Variants in RBBP8 observed in about 807,000 individuals in gnomAD.
RBBP8 encodes the protein DNA endonuclease RBBP8.
Under a neutral mutation model 108.3 loss-of-function variants are expected in RBBP8, and 88 were observed. That is an observed-to-expected ratio of 0.81 (90% CI 0.68 to 0.97). RBBP8 has a LOEUF of 0.97. Among genes scored for constraint, RBBP8 ranks in the 50% least tolerant of loss-of-function variants. RBBP8 has a pLI of 0.00. For missense variants in RBBP8, 1,023 were observed against 1,049.0 expected (o/e 0.98, Z 0.34); for synonymous variants, 332 against 348.2 (o/e 0.95, Z 0.52).
At chr18:22,984,653 C>T (rs1032966541) in intron 7 of RBBP8, among the ~76,000 whole-genome samples, 3 of 152,212 alleles carry the variant, frequency 2.0e-5, no homozygotes, top group African/African-American at 7.2e-5. Context: ...AAGAAGCTGT[C>T]TGTTCTAGTC....
intron 2 of RBBP8, among the ~76,000 whole-genome samples, chr18:22,937,979 C>T (rs934480219): frequency 6.6e-6 from 1 of 151,644 alleles, no homozygotes; most frequent in African/African-American, 2.4e-5. Context: ...GTGTGCACCA[C>T]CACGCCCAGC....
intron 3 of RBBP8, among the ~76,000 whole-genome samples, chr18:22,918,277 T>C (rs1909445232): frequency 6.6e-6 from 1 of 152,196 alleles, no homozygotes; most frequent in Non-Finnish European, 1.5e-5. Context: ...TTCTGAGAAA[T>C]GAGAAATTAG....
chr18:23,011,115 GACTTAT>G (rs758235211), intron 16 of RBBP8, among the ~76,000 whole-genome samples: 20 of 152,150 alleles, frequency 1.3e-4, no homozygotes, highest in African/African-American at 3.9e-4. Flanking sequence ...AACAAAAAAG[GACTTAT>G]ACTTAGAGTG....
At position 22,935,406 on chromosome 18, in the gene RBBP8, C is replaced by T. The variant is rs937419828; in HGVS notation, c.-98-1348C>T. ...TTTCTAAAAAAAAAACAAACAAAACCGCATCATTATCATACCCAAGAAAAT... is the reference window on the plus strand; with the variant it reads ...TTTCTAAAAAAAAAACAAACAAAACTGCATCATTATCATACCCAAGAAAAT... On this transcript the variant is annotated intron_variant, in intron 1 of 18. Transcript: ENST00000327155. Among the ~76,000 whole-genome samples the T allele has an allele frequency of 4.7e-5, 7 of 150,376 alleles. No homozygotes were observed. The East Asian group carries it at 5.8e-4, about 13-fold the overall frequency.
At chr18:23,008,053 C>T (rs2046089057) in intron 16 of RBBP8, among the ~76,000 whole-genome samples, 1 of 148,916 alleles carries the variant, frequency 6.7e-6, no homozygotes, top group African/African-American at 2.6e-5. Context: ...ACCTCGTGAT[C>T]CACCCGCCTC....
intron 1 of RBBP8, 188 bp downstream of exon 1, chr18:22,933,752 C>T (rs1448885140): frequency 6.6e-6 from 1 of 152,266 alleles, no homozygotes; most frequent in East Asian, 1.9e-4. Context: ...AGGACGAGCG[C>T]TACCTCAGTA....
chr18:22,935,401 A>G (rs551225506), intron 1 of RBBP8, among the ~76,000 whole-genome samples: 1 of 151,668 alleles, frequency 6.6e-6, no homozygotes, highest in Non-Finnish European at 1.5e-5. Flanking sequence ...AAAAACAAAC[A>G]AAACCGCATC....
chr18:22,968,959 G>A (rs1292884744), intron 5 of RBBP8, 41 bp downstream of exon 5: 6 of 1,456,472 alleles, frequency 4.1e-6, no homozygotes, highest in Admixed American at 1.7e-5. Flanking sequence ...AGTATGTAAT[G>A]TATTATTTTT....
intron 13 of RBBP8, 32 bp downstream of exon 13, chr18:22,996,494 G>T (rs774722904): frequency 1.9e-6 from 3 of 1,608,754 alleles, no homozygotes; most frequent in South Asian, 2.2e-5. Flanking sequence ...AAACTCATTT[G>T]ACTTTTATTC....
At chr18:22,960,605 GT>G (rs1291826335) in intron 4 of RBBP8, among the ~76,000 whole-genome samples, 1 of 152,024 alleles carries the variant, frequency 6.6e-6, no homozygotes, top group African/African-American at 2.4e-5. Context: ...TAAAAAAAAA[GT>G]TTTTTTCTTC....
intron 2 of RBBP8, among the ~76,000 whole-genome samples, chr18:22,940,520 C>T (rs1402931056): frequency 2.0e-5 from 3 of 151,942 alleles, no homozygotes; most frequent in African/African-American, 7.3e-5. Context: ...CGGGGTTTCA[C>T]TGTGTTAGCC....
intron 9 of RBBP8, 140 bp downstream of exon 9, chr18:22,989,458 G>A: frequency 1.6e-6 from 1 of 619,910 alleles, no homozygotes; most frequent in East Asian, 3.4e-5. Context: ...TTGTTAGAAA[G>A]TCCTATTTCT....
chr18:22,959,024 C>T (rs1436718552), intron 4 of RBBP8, among the ~76,000 whole-genome samples: 1 of 152,280 alleles, frequency 6.6e-6, no homozygotes, highest in Non-Finnish European at 1.5e-5. Context: ...AATGAACCAC[C>T]TGTTTTGTTC....
intron 6 of RBBP8, among the ~76,000 whole-genome samples, chr18:22,975,446 T>C (rs1037420670): frequency 6.6e-6 from 1 of 152,110 alleles, no homozygotes. Context: ...ATTTTAATTT[T>C]TATAATGATT....
At chr18:22,944,325 A>G (rs1421112878) in intron 2 of RBBP8, among the ~76,000 whole-genome samples, 1 of 152,152 alleles carries the variant, frequency 6.6e-6, no homozygotes, top group African/African-American at 2.4e-5. Context: ...TTTGAAGTTT[A>G]TATGGATTTT....
At chr18:22,973,075 A>G (rs1914236201) in intron 5 of RBBP8, among the ~76,000 whole-genome samples, 1 of 152,204 alleles carries the variant, frequency 6.6e-6, no homozygotes. Context: ...TCCTACGTCA[A>G]AACTTTTAGA....
At chr18:22,985,341 A>G (rs997680407) in intron 8 of RBBP8, among the ~76,000 whole-genome samples, 7 of 152,220 alleles carry the variant, frequency 4.6e-5, no homozygotes, top group African/African-American at 1.7e-4. Flanking sequence ...AATAAAATTT[A>G]TGTCAGATAG....
rs376225095 is a variant in RBBP8 at position 22,952,814 on chromosome 18, C to A, written c.248+3101C>A. ...TATCTCTCTCAGCCTTTAACTCCAG[C>A]CATTGAAGAGCTTCCTTCTCTTATT... On this transcript the variant is annotated intron_variant, in intron 4 of 18. Transcript: ENST00000327155. Among the ~76,000 whole-genome samples the A allele has an allele frequency of 9.7e-4, 147 of 152,292 alleles. 4 individuals are homozygous for A. In the South Asian group the frequency reaches 0.029, roughly 30 times the overall value.
chr18:22,982,106 G>A, intron 6 of RBBP8, 112 bp from the exon 7 acceptor site: 1 of 1,243,342 alleles, frequency 8.0e-7, no homozygotes, highest in Non-Finnish European at 1.1e-6. Context: ...TAGATGCAAG[G>A]GATTACATCC....
Sources: gnomAD v4.1 joint callset for allele counts (sites outside exome capture counted in the v4.1 genomes callset) on GRCh38, gnomAD v4.1.1 for gene constraint, MANE v1.5 for transcripts, NCBI Gene and HGNC (gene_info 2026-07-23, HGNC 2026-07-21) for gene names.